Variants in MTHFD1 observed in about 807,000 individuals in gnomAD.
MTHFD1 encodes the protein methylenetetrahydrofolate dehydrogenase, cyclohydrolase and formyltetrahydrofolate synthetase 1, also known as C-1-tetrahydrofolate synthase, cytoplasmic.
MTHFD1 carries 44 observed loss-of-function variants against 110.3 expected under a neutral mutation model. The observed-to-expected ratio is 0.40, with a 90% CI of 0.31 to 0.51. The LOEUF is 0.51. MTHFD1 is among the 20% of genes least tolerant of loss of function. The probability of loss-of-function intolerance (pLI) is 0.60; values close to 1 mark genes in which losing one functional copy is unlikely to be tolerated. For synonymous variants in MTHFD1, 402 were observed against 428.8 expected (o/e 0.94, Z 0.77); for missense variants, 909 against 1,173.1 (o/e 0.77, Z 3.29).
Position 64,431,558 on chromosome 14 carries a change from C to T in MTHFD1, c.1338C>T (p.Ile446=), listed in dbSNP as rs369074686. 1.0e-4 allele frequency: 168 copies of T among 1,614,000 alleles called. No individual in the cohort carries two copies. The highest frequency in any genetic ancestry group is 5.1e-6 in the Non-Finnish European group (6 of 1,179,994). ...EEFNLHLTGD[I]HAITAANNLV... ...TTAATCTCCACCTCACAGGTGACAT[C>T]CATGCCATCACTGCAGCTAATAACC... is the stretch of plus-strand genomic sequence containing the variant. The change falls in exon 14 of 28, where the codon ATC becomes ATT. Residue 446 remains isoleucine (I), a synonymous_variant. Coordinates refer to ENST00000652337, the MANE Select transcript of MTHFD1 (RefSeq NM_005956.4).
At chr14:64,455,113 A>G (rs1333589564) in intron 26 of MTHFD1, 2 of 510,052 alleles carry the variant, frequency 3.9e-6, no homozygotes, top group Non-Finnish European at 3.6e-6. Flanking sequence ...TACTGAATAA[A>G]AAATTCTGTT....
At position 64,394,488 on chromosome 14, in the gene MTHFD1, T is replaced by C. The variant is rs575614596; in HGVS notation, c.41+6020T>C. ...CTTCAAAAAGTCATTTTTGAAGTTATAGTCCAATTTTGACTGGTTAGAGAC... is the reference window on the plus strand; with the variant it reads ...CTTCAAAAAGTCATTTTTGAAGTTACAGTCCAATTTTGACTGGTTAGAGAC... On this transcript the variant is annotated intron_variant, in intron 1 of 27. Coordinates refer to ENST00000652337, the MANE Select transcript of MTHFD1 (RefSeq NM_005956.4). 5.9e-4 allele frequency among the ~76,000 whole-genome samples: 90 copies of C among 152,248 alleles called. 1 individual carries two copies. Among genetic ancestry groups the C allele is most frequent in the Admixed American group, 4.3e-3 (66 of 15,286 alleles).
chr14:64,399,529 C>T (rs560963336), intron 1 of MTHFD1, among the ~76,000 whole-genome samples: 1 of 151,730 alleles, frequency 6.6e-6, no homozygotes, highest in Admixed American at 6.6e-5. Flanking sequence ...CGTGGTGGCA[C>T]GTGCCTGTAA....
intron 1 of MTHFD1, among the ~76,000 whole-genome samples, chr14:64,399,917 A>G (rs1259298353): frequency 1.3e-5 from 2 of 152,100 alleles, no homozygotes; most frequent in Non-Finnish European, 2.9e-5. Flanking sequence ...CTGGGACTAC[A>G]GGGGCCTGCC....
chr14:64,446,674 T>G (rs1269229500), intron 22 of MTHFD1, among the ~76,000 whole-genome samples: 2 of 152,090 alleles, frequency 1.3e-5, no homozygotes, highest in African/African-American at 2.4e-5. Flanking sequence ...CCCAAGAAGC[T>G]GCGACTACAA....
chr14:64,412,362 G>C (rs1290552218), intron 3 of MTHFD1, 110 bp from the exon 4 acceptor site: 2 of 812,100 alleles, frequency 2.5e-6, no homozygotes, highest in East Asian at 5.0e-5. Context: ...AACATATAAG[G>C]GTGAAATGAT....
chr14:64,449,820 G>A (rs1380411361), intron 24 of MTHFD1, among the ~76,000 whole-genome samples, 198 bp downstream of exon 24: 2 of 152,166 alleles, frequency 1.3e-5, no homozygotes, highest in African/African-American at 4.8e-5. Flanking sequence ...ACGGAGTCTT[G>A]CTCTTTTGCC....
rs548975422 is a variant in MTHFD1, at chr14:64,412,498, G to A, written c.213G>A (p.Lys71=). The change falls in exon 4 of 28, where the codon AAG becomes AAA. Residue 71 remains lysine (K), a synonymous_variant. Coordinates refer to ENST00000652337, the MANE Select transcript of MTHFD1 (RefSeq NM_005956.4). ...TTGGGATCAAAGCCACTCACATTAA[G>A]TTACCAAGAACAACCACAGAATCTG... ...EEIGIKATHI[K]LPRTTTESEV... The A allele has an allele frequency of 1.3e-5, 21 of 1,613,780 alleles. 1 individual carries two copies. In the South Asian group the frequency reaches 2.3e-4, roughly 18 times the overall value.
intron 15 of MTHFD1, among the ~76,000 whole-genome samples, chr14:64,432,500 TAAAC>T (rs1205013535): frequency 6.6e-6 from 1 of 152,152 alleles, no homozygotes; most frequent in Non-Finnish European, 1.5e-5. Context: ...GATGAATAAA[TAAAC>T]AAACTGGTAC....
intron 1 of MTHFD1, among the ~76,000 whole-genome samples, chr14:64,396,705 T>C (rs1042208217): frequency 4.0e-5 from 6 of 151,774 alleles, no homozygotes; most frequent in Non-Finnish European, 1.5e-5. Context: ...AGCCGAAGTA[T>C]TTTTTAGTAG....
chr14:64,439,667 G>A (rs945316395), intron 17 of MTHFD1, among the ~76,000 whole-genome samples: 7 of 151,918 alleles, frequency 4.6e-5, no homozygotes, highest in Admixed American at 6.6e-5. Context: ...TTGGGAGGCC[G>A]AGGCGGGCGG....
chr14:64,425,581 C>T, intron 9 of MTHFD1, 149 bp from the exon 10 acceptor site: 1 of 740,492 alleles, frequency 1.4e-6, no homozygotes, highest in South Asian at 1.5e-5. Flanking sequence ...TTAGGTGCCT[C>T]TTGACTCTTA....
At chr14:64,390,993 C>T (rs1188476353) in intron 1 of MTHFD1, among the ~76,000 whole-genome samples, 3 of 152,088 alleles carry the variant, frequency 2.0e-5, no homozygotes, top group Non-Finnish European at 4.4e-5. Flanking sequence ...TTCCATCCTG[C>T]GGATTAGGAA....
rs1248737817 is a variant in MTHFD1, at chr14:64,459,828, G to GGAA, written c.*76_*78dup. 1 of 1,536,012 alleles carries GGAA rather than the reference G, an allele frequency of 6.5e-7. No homozygotes were observed. The highest frequency in any genetic ancestry group is 8.7e-7 in the Non-Finnish European group (1 of 1,146,768). ...GTCTATTCAGGCCCACTGGGAGTTA[G>GGAA]GAAGTATAAGTAAGCCAAGAGAAGT... On this transcript the variant is annotated 3_prime_UTR_variant, in exon 28 of 28. Transcript: ENST00000652337.
chr14:64,412,608 G>T, intron 4 of MTHFD1, 83 bp downstream of exon 4: 2 of 970,536 alleles, frequency 2.1e-6, no homozygotes, highest in South Asian at 2.6e-5. Context: ...TTTGGGGACT[G>T]ACACATTTAG....
intron 4 of MTHFD1, among the ~76,000 whole-genome samples, chr14:64,413,891 G>A (rs2078004564): frequency 6.6e-6 from 1 of 152,186 alleles, no homozygotes; most frequent in Non-Finnish European, 1.5e-5. Context: ...GCACAGTGGT[G>A]TGATCATAGC....
chr14:64,402,432 C>T (rs2077904910), intron 2 of MTHFD1, among the ~76,000 whole-genome samples: 1 of 152,190 alleles, frequency 6.6e-6, no homozygotes, highest in African/African-American at 2.4e-5. Flanking sequence ...CACATTTTAT[C>T]ATTGGCAACA....
chr14:64,442,541 C>G (rs548901911), intron 21 of MTHFD1, 139 bp downstream of exon 21: 2 of 917,622 alleles, frequency 2.2e-6, no homozygotes, highest in Admixed American at 4.3e-5. Flanking sequence ...GACGGGCAGA[C>G]AGCCCTTGTG....
intron 12 of MTHFD1, among the ~76,000 whole-genome samples, chr14:64,429,665 A>G (rs59422037): frequency 0.062 from 9,421 of 152,200 alleles, 509 homozygotes; most frequent in African/African-American, 0.16. Flanking sequence ...AAATCTGGAA[A>G]ACAAAAACCC....
Sources: allele counts gnomAD v4.1 joint callset (sites outside exome capture counted in the v4.1 genomes callset), GRCh38; gene constraint gnomAD v4.1.1; transcripts MANE v1.5; gene names NCBI Gene and HGNC (gene_info 2026-07-23, HGNC 2026-07-21).